The following SLC2A2 variants were observed in gnomAD, a reference collection of about 807,000 sequenced individuals.
SLC2A2 encodes the protein solute carrier family 2 member 2.
Under a neutral mutation model 54.5 loss-of-function variants are expected in SLC2A2, and 36 were observed. The ratio of observed to expected loss-of-function variants is 0.66; its 90% CI spans 0.51 to 0.87. SLC2A2 has a LOEUF of 0.87. SLC2A2 is among the 40% of genes least tolerant of loss of function. The probability of loss-of-function intolerance (pLI) is 0.00; values close to 1 mark genes in which losing one functional copy is unlikely to be tolerated. For missense variants in SLC2A2, 543 were observed against 624.3 expected (o/e 0.87, Z 1.39); for synonymous variants, 223 against 219.1 (o/e 1.02, Z -0.16).
intron 1 of SLC2A2, among the ~76,000 whole-genome samples, chr3:171,019,861 T>A (rs1226928902): frequency 6.6e-6 from 1 of 152,224 alleles, no homozygotes; most frequent in Non-Finnish European, 1.5e-5. Context: ...GAATGTTTTC[T>A]TGAAGAACAA....
At chr3:171,002,048 A>G (rs1311970757) in intron 8 of SLC2A2, among the ~76,000 whole-genome samples, 2 of 151,980 alleles carry the variant, frequency 1.3e-5, no homozygotes, top group South Asian at 2.1e-4. Context: ...AGCTCTGCTC[A>G]ATGGCTTAAT....
At position 170,997,855 on chromosome 3, in the gene SLC2A2, A is replaced by G; in HGVS notation, c.*48T>C. On this transcript the variant is annotated 3_prime_UTR_variant, in exon 11 of 11. Coordinates refer to ENST00000314251, the MANE Select transcript of SLC2A2 (RefSeq NM_000340.2). ...TCAAGGAATCATCATTTAAAAACAG[A>G]CGGTTCCCTTATTGTTTCTGTTCAT... The G allele has an allele frequency of 3.4e-6, 5 of 1,458,144 alleles. No individual in the cohort carries two copies. The highest frequency in any genetic ancestry group is 4.8e-6 in the Non-Finnish European group (5 of 1,044,564). 90.3% of individuals were successfully genotyped at this position (1,458,144 alleles called of 1,614,324 possible).
At chr3:171,019,443 C>T (rs1409045685) in intron 1 of SLC2A2, among the ~76,000 whole-genome samples, 1 of 152,066 alleles carries the variant, frequency 6.6e-6, no homozygotes, top group African/African-American at 2.4e-5. Flanking sequence ...TTCTCCCCAA[C>T]TCCCCAACTC....
intron 2 of SLC2A2, among the ~76,000 whole-genome samples, chr3:171,017,351 ATC>A (rs1460034100): frequency 1.3e-5 from 2 of 152,266 alleles, no homozygotes; most frequent in Non-Finnish European, 2.9e-5. Context: ...TATGCCCTGG[ATC>A]TCTCAGCCTG....
chr3:171,001,066 G>C (rs1013972719), intron 8 of SLC2A2, among the ~76,000 whole-genome samples: 2 of 151,906 alleles, frequency 1.3e-5, no homozygotes, highest in African/African-American at 4.8e-5. Context: ...ACTCTAAAAA[G>C]GTACATTCAA....
intron 1 of SLC2A2, among the ~76,000 whole-genome samples, chr3:171,019,099 A>ATATATATATGTGTGTGTGTG (rs1716313772): frequency 2.9e-5 from 1 of 34,462 alleles, no homozygotes; most frequent in East Asian, 4.1e-4. Flanking sequence ...GTGTGTGTGT[A>ATATATATATGTGTGTGTGTG]TATATATATA....
intron 4 of SLC2A2, 36 bp downstream of exon 4, chr3:171,009,922 T>G (rs1017211034): frequency 1.3e-6 from 2 of 1,515,528 alleles, no homozygotes; most frequent in South Asian, 2.4e-5. Context: ...GGTGTGTGTG[T>G]GTGTGTGTGT....
chr3:171,024,281 A>G (rs1716589483), intron 1 of SLC2A2, among the ~76,000 whole-genome samples: 1 of 152,192 alleles, frequency 6.6e-6, no homozygotes, highest in African/African-American at 2.4e-5. Flanking sequence ...TCAAACAGCC[A>G]TGTGTCAACT....
At position 171,023,087 on chromosome 3, in the gene SLC2A2, C is replaced by T. The variant is rs531622855; in HGVS notation, c.15+3569G>A. 9.2e-5 allele frequency among the ~76,000 whole-genome samples: 14 copies of T among 152,212 alleles called. No individual in the cohort carries two copies. The South Asian group carries it at 2.3e-3, about 25-fold the overall frequency. Reference sequence around the variant, plus strand: ...GTTTTTAAACATTTAGAAATCTTAGCGTGTTATTAAAGTCCTTATCCTCTG... The same window carrying T: ...GTTTTTAAACATTTAGAAATCTTAGTGTGTTATTAAAGTCCTTATCCTCTG... On this transcript the variant is annotated intron_variant, in intron 1 of 10. Transcript: ENST00000314251.
At chr3:171,021,742 A>G (rs1716476879) in intron 1 of SLC2A2, among the ~76,000 whole-genome samples, 2 of 152,234 alleles carry the variant, frequency 1.3e-5, no homozygotes, top group African/African-American at 4.8e-5. Context: ...GATGGAATTC[A>G]GTTCCTCTTG....
chr3:171,002,458 A>G (rs1715384022), intron 8 of SLC2A2, 118 bp downstream of exon 8: 2 of 724,038 alleles, frequency 2.8e-6, no homozygotes, highest in Admixed American at 4.0e-5. Flanking sequence ...TTGGGTTTAC[A>G]CACTTAGAGC....
intron 7 of SLC2A2, 144 bp downstream of exon 7, chr3:171,005,141 T>C (rs1715530628): frequency 1.4e-6 from 1 of 725,964 alleles, no homozygotes; most frequent in African/African-American, 1.8e-5. Flanking sequence ...TGGAAATTAA[T>C]GCTTACTCAA....
At chr3:171,009,877 A>C (rs1715793679) in intron 4 of SLC2A2, 81 bp downstream of exon 4, 1 of 1,514,174 alleles carries the variant, frequency 6.6e-7, no homozygotes, top group African/African-American at 1.4e-5. Context: ...GAGTGCTACC[A>C]CATCCGCCTT....
rs761913998 is a variant in SLC2A2, at chr3:170,997,892, G to C, written c.*11C>G. The stretch of plus-strand genomic sequence containing the variant: ...TTGTTTCTGTTCATGTCAAAAAGCA[G>C]GGTTTTTTTTTTACACAGTCTCTGT... On this transcript the variant is annotated 3_prime_UTR_variant, in exon 11 of 11. Coordinates refer to ENST00000314251, the MANE Select transcript of SLC2A2 (RefSeq NM_000340.2). 7 of 1,607,112 alleles carry C rather than the reference G, an allele frequency of 4.4e-6. No homozygotes were observed. The South Asian group carries it at 7.8e-5, about 18-fold the overall frequency.
At chr3:170,999,759 G>A (rs1715263059) in intron 8 of SLC2A2, among the ~76,000 whole-genome samples, 1 of 151,970 alleles carries the variant, frequency 6.6e-6, no homozygotes, top group African/African-American at 2.4e-5. Flanking sequence ...GCATTTTTCT[G>A]GTATGCTTAA....
chr3:171,005,879 CT>C, intron 6 of SLC2A2, 63 bp downstream of exon 6: 1 of 1,474,528 alleles, frequency 6.8e-7, no homozygotes, highest in Non-Finnish European at 9.5e-7. Flanking sequence ...GTGGAAAGCA[CT>C]GTTTTACATT....
intron 1 of SLC2A2, among the ~76,000 whole-genome samples, chr3:171,024,870 C>A (rs1460344986): frequency 6.6e-6 from 1 of 152,132 alleles, no homozygotes; most frequent in Non-Finnish European, 1.5e-5. Context: ...AGTTCTCATT[C>A]TTTCTGGGTT....
chr3:171,019,116 TATATATAC>T (rs1390062302), intron 1 of SLC2A2, among the ~76,000 whole-genome samples: 4 of 5,592 alleles, frequency 7.2e-4, no homozygotes, highest in East Asian at 5.7e-3. Context: ...TATATATATA[TATATATAC>T]GTATGTATAT....
intron 7 of SLC2A2, among the ~76,000 whole-genome samples, chr3:171,004,556 T>C (rs1188214231): frequency 6.6e-6 from 1 of 151,726 alleles, no homozygotes; most frequent in Non-Finnish European, 1.5e-5. Context: ...ATGTCCAGTT[T>C]ACATTTTTAA....
Sources: gnomAD v4.1 joint callset for allele counts (sites outside exome capture counted in the v4.1 genomes callset) on GRCh38, gnomAD v4.1.1 for gene constraint, MANE v1.5 for transcripts, NCBI Gene and HGNC (gene_info 2026-07-23, HGNC 2026-07-21) for gene names.